Variants in ATF7 observed in about 807,000 individuals in gnomAD.
ATF7 encodes the protein cyclic AMP-dependent transcription factor ATF-7.
In ATF7, 10 loss-of-function variants were observed where a neutral mutation model predicts 50.4. The ratio of observed to expected loss-of-function variants is 0.20; its 90% confidence interval spans 0.12 to 0.34. The LOEUF (loss-of-function observed/expected upper bound fraction) is 0.34. Ranked by LOEUF, ATF7 falls within the 10% of genes least tolerant of loss-of-function variation. ATF7 has a pLI of 1.00. For missense variants in ATF7, 465 were observed against 613.9 expected, an observed-to-expected ratio of 0.76 and a Z score of 2.56; for synonymous variants, 201 against 226.4, an observed-to-expected ratio of 0.89 and a Z score of 1.01.
chr12:53,517,367 A>T lies in ATF7; in HGVS notation c.1235-13T>A. On this transcript the variant is annotated splice_polypyrimidine_tract_variant and intron_variant, in intron 11 of 11. Transcript: ENST00000420353. ...TCCTTGGGGCTTTCTGCCAGGAAGG[A>T]GGGCAAAGAGCAGAGAGCAATTGGT... is the stretch of plus-strand genomic sequence containing the variant. 1 of 1,608,514 alleles carries T rather than the reference A, an allele frequency of 6.2e-7. No individual in the cohort carries two copies. The highest frequency in any genetic ancestry group is 1.7e-5 in the Admixed American group (1 of 58,812).
intron 7 of ATF7, 55 bp downstream of exon 7, chr12:53,533,105 G>A (rs12422400): frequency 0.12 from 167,700 of 1,448,144 alleles, 10,598 homozygotes; most frequent in Admixed American, 0.21. Flanking sequence ...CCATTCAGGT[G>A]GAAGGGAAGG....
intron 3 of ATF7, among the ~76,000 whole-genome samples, chr12:53,546,795 C>T (rs1408322690): frequency 2.0e-5 from 3 of 148,272 alleles, no homozygotes; most frequent in Admixed American, 2.0e-4. Context: ...TCTCACTTTG[C>T]CACCCAGGCG....
In ATF7 at chr12:53,524,149, G is replaced by T. The variant is rs1938293479; in HGVS notation, c.1125+415C>A. Among the ~76,000 whole-genome samples the T allele has an allele frequency of 6.6e-6, 1 of 152,208 alleles. No individual in the cohort carries two copies. Among genetic ancestry groups the T allele is most frequent in the African/African-American group, 2.4e-5 (1 of 41,456 alleles). On this transcript the variant is annotated intron_variant, in intron 10 of 11. Coordinates refer to ENST00000420353, the MANE Select transcript of ATF7 (RefSeq NM_006856.3). This position sits in a 1 kb window ranked among gnomAD's most constrained non-coding sequence, Gnocchi z 4.6. ...TCAGAAGGAAAAATAACATTCAAGAGAAGGTATGGATTATAGATTATAATT... is the reference window on the plus strand; with the variant it reads ...TCAGAAGGAAAAATAACATTCAAGATAAGGTATGGATTATAGATTATAATT...
Position 53,524,378 on chromosome 12 carries a change from T to G in ATF7, c.1125+186A>C, listed in dbSNP as rs1938312887. On this transcript the variant is annotated intron_variant, in intron 10 of 11. Coordinates refer to ENST00000420353, the MANE Select transcript of ATF7 (RefSeq NM_006856.3). The surrounding 1 kb of genome is among the most constrained non-coding windows in gnomAD (Gnocchi z 4.6). ...TAATAGGAGATTTGGGGGTAGATGG[T>G]GAGTGTCTTCACCAATACCTATGAA... 6.6e-6 allele frequency among the ~76,000 whole-genome samples: 1 copy of G among 152,226 alleles called. No homozygotes were observed. The highest frequency in any genetic ancestry group is 6.5e-5 in the Admixed American group (1 of 15,284).
At chr12:53,552,359 T>C (rs1443545789) in intron 3 of ATF7, among the ~76,000 whole-genome samples, 182 bp downstream of exon 3, 2 of 152,124 alleles carry the variant, frequency 1.3e-5, no homozygotes, top group Non-Finnish European at 2.9e-5. Context: ...TTATTAAAAA[T>C]AGAGTGGAGG....
In ATF7 at chr12:53,524,557, C is replaced by T. The variant is rs1311143342; in HGVS notation, c.1125+7G>A. 6.2e-7 allele frequency: 1 copy of T among 1,613,600 alleles called. No homozygotes were observed. The highest frequency in any genetic ancestry group is 2.2e-5 in the East Asian group (1 of 44,892). ...ACAATTCCAATAAGCATCCAGGACC[C>T]ACTCACACTCAGCTGAATGTTCTGA... is the stretch of plus-strand genomic sequence containing the variant. On this transcript the variant is annotated splice_region_variant and intron_variant, in intron 10 of 11. Coordinates refer to ENST00000420353, the MANE Select transcript of ATF7 (RefSeq NM_006856.3). This position sits in a 1 kb window ranked among gnomAD's most constrained non-coding sequence, Gnocchi z 4.6.
In ATF7 at chr12:53,552,531, C is replaced by T. The variant is rs1273433412; in HGVS notation, c.145+10G>A. Reference sequence around the variant, plus strand: ...GTATCAAGGCACGTGGCTTTTGGGGCAGCAAATACCTGCAATGATGACTGA... The same window carrying T: ...GTATCAAGGCACGTGGCTTTTGGGGTAGCAAATACCTGCAATGATGACTGA... On this transcript the variant is annotated intron_variant, in intron 3 of 11. Transcript: ENST00000420353. 1.2e-6 allele frequency: 2 copies of T among 1,610,612 alleles called. No individual in the cohort carries two copies. Among genetic ancestry groups the T allele is most frequent in the Non-Finnish European group, 1.7e-6 (2 of 1,177,028 alleles).
chr12:53,621,104 G>A (rs1156903722), intron 1 of ATF7, among the ~76,000 whole-genome samples: 1 of 152,058 alleles, frequency 6.6e-6, no homozygotes, highest in African/African-American at 2.4e-5. Flanking sequence ...TTTTTGACAG[G>A]GTCACTAGCC....
chr12:53,596,801 G>A (rs1943177011), intron 2 of ATF7, among the ~76,000 whole-genome samples: 1 of 152,128 alleles, frequency 6.6e-6, no homozygotes, highest in Admixed American at 6.6e-5. Flanking sequence ...AATAGATTCA[G>A]TACCAAACTA....
intron 2 of ATF7, among the ~76,000 whole-genome samples, chr12:53,587,843 A>ATATATATATATTTT: frequency 1.9e-3 from 118 of 61,544 alleles, no homozygotes; most frequent in Middle Eastern, 0.011. Flanking sequence ...ATATATATAT[A>ATATATATATATTTT]TTTTTTTTTT....
At chr12:53,599,240 A>G (rs1943286616) in intron 2 of ATF7, among the ~76,000 whole-genome samples, 1 of 151,584 alleles carries the variant, frequency 6.6e-6, no homozygotes, top group African/African-American at 2.4e-5. Context: ...GGGTCTCACT[A>G]TATTGTCCAG....
Position 53,601,017 on chromosome 12 carries a change from A to G in ATF7, c.-17T>C, listed in dbSNP as rs1384120893. The G allele has an allele frequency of 6.2e-7, 1 of 1,609,690 alleles. No homozygotes were observed. The highest frequency in any genetic ancestry group is 1.7e-5 in the Admixed American group (1 of 59,690). ...GTCTCCCATATTTCATATAGCAGAG[A>G]GGAGCTGAGGAGGGGGAGGTGAGGG... On this transcript the variant is annotated 5_prime_UTR_variant, in exon 2 of 12. Transcript: ENST00000420353.
At chr12:53,577,960 G>C (rs1401993751) in intron 2 of ATF7, among the ~76,000 whole-genome samples, 1 of 151,976 alleles carries the variant, frequency 6.6e-6, no homozygotes, top group African/African-American at 2.4e-5. Context: ...AGAAGGCAGA[G>C]GGAAAATCAC....
In ATF7 at chr12:53,606,189, G is replaced by GATAT. The variant is rs373472752; in HGVS notation, c.-21-5172_-21-5169dup. ...AACAAAACCTCACCTGAGCTATTAAGATATATATATATATATTCAAGTACA... is the reference window on the plus strand; with the variant it reads ...AACAAAACCTCACCTGAGCTATTAAGATATATATATATATATATATTCAAGTACA... On this transcript the variant is annotated intron_variant, in intron 1 of 11. Coordinates refer to ENST00000420353, the MANE Select transcript of ATF7 (RefSeq NM_006856.3). 1.8e-4 allele frequency among the ~76,000 whole-genome samples: 27 copies of GATAT among 148,828 alleles called. No individual in the cohort carries two copies. In the East Asian group the frequency reaches 4.5e-3, roughly 25 times the overall value.
chr12:53,614,539 C>CT (rs1305331832), intron 1 of ATF7, among the ~76,000 whole-genome samples: 2 of 152,170 alleles, frequency 1.3e-5, no homozygotes, highest in African/African-American at 4.8e-5. Context: ...ACCTGACAGG[C>CT]TTTAATATTA....
At chr12:53,560,769 A>G (rs1445030995) in intron 2 of ATF7, among the ~76,000 whole-genome samples, 1 of 152,124 alleles carries the variant, frequency 6.6e-6, no homozygotes, top group Admixed American at 6.6e-5. Context: ...TGAGTGTGTA[A>G]ACTATCAAGA....
chr12:53,585,124 T>C (rs1016111673), intron 2 of ATF7, among the ~76,000 whole-genome samples: 1 of 152,032 alleles, frequency 6.6e-6, no homozygotes, highest in African/African-American at 2.4e-5. Flanking sequence ...AGGTGCACAT[T>C]ACCACACCTG....
chr12:53,568,047 G>C (rs1436656545), intron 2 of ATF7, among the ~76,000 whole-genome samples: 3 of 152,216 alleles, frequency 2.0e-5, no homozygotes, highest in Admixed American at 2.0e-4. Flanking sequence ...CAAAGTTACA[G>C]AGTGAAAAGT....
At chr12:53,583,516 T>C (rs1213725211) in intron 2 of ATF7, among the ~76,000 whole-genome samples, 1 of 151,932 alleles carries the variant, frequency 6.6e-6, no homozygotes, top group African/African-American at 2.4e-5. Flanking sequence ...ATAAATAAAG[T>C]ACACAATAAA....
Sources: gnomAD v4.1 joint callset for allele counts (sites outside exome capture counted in the v4.1 genomes callset) on GRCh38, gnomAD v4.1.1 for gene constraint, Gnocchi (gnomAD v3.1) non-coding constraint, MANE v1.5 for transcripts, NCBI Gene and HGNC (gene_info 2026-07-23, HGNC 2026-07-21) for gene names.